IGSF9B: variants seen among roughly 807,000 people sequenced by gnomAD.
The protein encoded by IGSF9B is protein turtle homolog B.
A neutral mutation model predicts 143.7 loss-of-function variants in IGSF9B; 48 were observed. The ratio of observed to expected loss-of-function variants is 0.33; its 90% CI spans 0.26 to 0.42. IGSF9B has a LOEUF of 0.42. Ranked by LOEUF, IGSF9B falls within the 20% of genes least tolerant of loss-of-function variation. IGSF9B has a pLI of 1.00. For missense variants in IGSF9B, 1,706 were observed against 1,980.0 expected, an observed-to-expected ratio of 0.86 and a Z score of 2.63; for synonymous variants, 903 against 833.1, an observed-to-expected ratio of 1.08 and a Z score of -1.44.
At position 133,939,892 on chromosome 11, in the gene IGSF9B, A is replaced by T. The variant is rs139001237; in HGVS notation, c.410-1931T>A. On this transcript the variant is annotated intron_variant, in intron 3 of 19. Transcript: ENST00000533871. ...CGCACGTCCTCGCACGCGTCATCAC[A>T]TACAGAAACATACACCTTGCACATC... 7.4e-3 allele frequency among the ~76,000 whole-genome samples: 1,102 copies of T among 149,626 alleles called. 40 individuals are homozygous for T. Among genetic ancestry groups the T allele is most frequent in the Admixed American group, 0.057 (850 of 15,016 alleles).
rs569319090 is a variant in IGSF9B at position 133,908,142 on chromosome 11, G to A, written c.*927C>T. Among the ~76,000 whole-genome samples, 3 of 152,328 alleles carry A rather than the reference G, an allele frequency of 2.0e-5. No individual in the cohort carries two copies. Among genetic ancestry groups the A allele is most frequent in the Non-Finnish European group, 4.4e-5 (3 of 68,024 alleles). On this transcript the variant is annotated 3_prime_UTR_variant, in exon 20 of 20. Transcript: ENST00000533871. Reference sequence around the variant, plus strand: ...CGGCCTGGCTGGGCGGAAGGGCGCCGACGGATGCGCTGGACATGTGCACCA... The same window carrying A: ...CGGCCTGGCTGGGCGGAAGGGCGCCAACGGATGCGCTGGACATGTGCACCA...
chr11:133,931,336 GC>G lies in IGSF9B; in HGVS notation c.1368+116del. The G allele has an allele frequency of 1.2e-6, 1 of 854,004 alleles. No homozygotes were observed. Among genetic ancestry groups the G allele is most frequent in the South Asian group, 1.7e-5 (1 of 58,770 alleles). 52.9% of individuals were successfully genotyped at this position (854,004 alleles called of 1,614,324 possible). ...GGTCCAGAATAGAACTGCTCGCTGGGCCCTCACACCTCCCCTCAGCCCCGGG... is the reference window on the plus strand; with the variant it reads ...GGTCCAGAATAGAACTGCTCGCTGGGCCTCACACCTCCCCTCAGCCCCGGG... On this transcript the variant is annotated intron_variant, in intron 10 of 19. Transcript: ENST00000533871. This position sits in a 1 kb window ranked among gnomAD's most constrained non-coding sequence, Gnocchi z 7.7.
chr11:133,940,638 G>C (rs201654516), intron 3 of IGSF9B, among the ~76,000 whole-genome samples: 1 of 138,182 alleles, frequency 7.2e-6, no homozygotes, highest in African/African-American at 2.8e-5. Context: ...GTCCTCGCAC[G>C]CGTCATCACA....
At chr11:133,917,601 C>G (rs918083832) in intron 18 of IGSF9B, among the ~76,000 whole-genome samples, 1 of 152,110 alleles carries the variant, frequency 6.6e-6, no homozygotes, top group Non-Finnish European at 1.5e-5. Flanking sequence ...CAAGGTCAGG[C>G]TGCAGAAGGC....
Position 133,920,627 on chromosome 11 carries a change from C to G in IGSF9B, c.3098G>C (p.Gly1033Ala). ...STLPLTQTPT[G>A]GRSPEPWGRP... ...GCCCCAGGGCTCAGGGGAGCGCCCT[C>G]CTGTAGGTGTCTGAGTCAAGGGCAG... Residue 1033 changes from glycine to alanine, a missense_variant, in exon 18 of 20, where the codon GGA becomes GCA. Around this residue, in one of 7 missense-constraint regions of IGSF9B, gnomAD observed 880 missense variants for 762.9 expected, o/e 1.15. Coordinates refer to ENST00000533871, the MANE Select transcript of IGSF9B (RefSeq NM_001277285.4). 1 of 1,613,488 alleles carries G rather than the reference C, an allele frequency of 6.2e-7. No individual in the cohort carries two copies. Among genetic ancestry groups the G allele is most frequent in the Non-Finnish European group, 8.5e-7 (1 of 1,179,822 alleles).
At position 133,909,846 on chromosome 11, in the gene IGSF9B, T is replaced by C. The variant is rs1473412659; in HGVS notation, c.4106-569A>G. The stretch of plus-strand genomic sequence containing the variant: ...AGAGGAAGAGACAAACTGTCAAGAC[T>C]TTAAAAACACAGAAATAAAATTTGC... On this transcript the variant is annotated intron_variant, in intron 19 of 19. Transcript: ENST00000533871. The surrounding 1 kb of genome is among the most constrained non-coding windows in gnomAD (Gnocchi z 4.2). Among the ~76,000 whole-genome samples the C allele has an allele frequency of 6.6e-6, 1 of 152,178 alleles. No homozygotes were observed. The highest frequency in any genetic ancestry group is 1.5e-5 in the Non-Finnish European group (1 of 68,038).
chr11:133,922,796 C>T (rs1939566430), intron 15 of IGSF9B, 66 bp from the exon 16 acceptor site: 2 of 1,431,954 alleles, frequency 1.4e-6, no homozygotes, highest in Non-Finnish European at 1.9e-6. Flanking sequence ...CTCCGACCTT[C>T]AGTCCCCAAG....
intron 18 of IGSF9B, among the ~76,000 whole-genome samples, chr11:133,915,840 C>T (rs1939370593): frequency 6.6e-6 from 1 of 152,232 alleles, no homozygotes; most frequent in African/African-American, 2.4e-5. Flanking sequence ...CAAACACCAC[C>T]TGCCTGATTA....
chr11:133,917,947 G>T (rs1318930893), intron 18 of IGSF9B, among the ~76,000 whole-genome samples: 1 of 151,834 alleles, frequency 6.6e-6, no homozygotes, highest in Non-Finnish European at 1.5e-5. Context: ...GGGCCCCAGG[G>T]CTTCTGTGGG....
chr11:133,944,224 G>A lies in IGSF9B; in HGVS notation c.405C>T (p.Ile135=), dbSNP rs377157615. 1.4e-4 allele frequency: 230 copies of A among 1,602,698 alleles called. No homozygotes were observed. Among genetic ancestry groups the A allele is most frequent in the Non-Finnish European group, 1.9e-4 (221 of 1,173,490 alleles). ...ACCCTGGAAGCCGTCACTCACCGTT[G>A]ATGGTGAGGTGGACCCAGCTGCCAT... ...FHNGSWVHLT[I]NAPPTFTETP... The change falls in exon 3 of 20, where the codon ATC becomes ATT. Residue 135 remains isoleucine, a synonymous_variant. Transcript: ENST00000533871.
chr11:133,935,017 T>C (rs747897053), intron 7 of IGSF9B, among the ~76,000 whole-genome samples: 5 of 152,222 alleles, frequency 3.3e-5, no homozygotes, highest in Non-Finnish European at 7.3e-5. Flanking sequence ...GGCTCAGTAT[T>C]AAAGATCAGC....
chr11:133,937,324 G>T, intron 5 of IGSF9B, 52 bp downstream of exon 5: 1 of 1,374,848 alleles, frequency 7.3e-7, no homozygotes, highest in Non-Finnish European at 1.0e-6. Flanking sequence ...CAGCCGGGCT[G>T]GACATCCCCG....
Position 133,920,175 on chromosome 11 carries a change from C to A in IGSF9B, c.3550G>T (p.Ala1184Ser). Residue 1184 changes from alanine to serine, a missense_variant, in exon 18 of 20, where the codon GCC (alanine) becomes TCC (serine). By Grantham distance (99) the Ala-to-Ser change is moderately conservative (BLOSUM62 1). Around this residue, in one of 7 missense-constraint regions of IGSF9B, gnomAD observed 880 missense variants for 762.9 expected, o/e 1.15. Coordinates refer to ENST00000533871, the MANE Select transcript of IGSF9B (RefSeq NM_001277285.4). The stretch of plus-strand genomic sequence containing the variant: ...TGTAAACTGGGCTCGGCGCGCCTGG[C>A]CTGCCGAGGGCTAGGCCGGGGCCGG... ...QPRPRPSPRQ[A>S]RRAEPSLHQV... The A allele has an allele frequency of 1.3e-6, 2 of 1,510,840 alleles. No homozygotes were observed. The highest frequency in any genetic ancestry group is 1.8e-6 in the Non-Finnish European group (2 of 1,129,552). 93.6% of individuals were successfully genotyped at this position (1,510,840 alleles called of 1,614,324 possible). A position where few individuals can be genotyped will look rare whatever the true frequency, so the allele number is the denominator to read the frequency against.
Position 133,913,748 on chromosome 11 carries a change from C to T in IGSF9B, c.3984-1741G>A, listed in dbSNP as rs1939336388. The stretch of plus-strand genomic sequence containing the variant: ...GAAGCGGGAAGGCAGACAAAGGGTG[C>T]AGGTGCCCGGGCGGGAGGCAGCACA... On this transcript the variant is annotated intron_variant, in intron 18 of 19. Transcript: ENST00000533871. The surrounding 1 kb of genome is among the most constrained non-coding windows in gnomAD (Gnocchi z 4.6). Among the ~76,000 whole-genome samples, 1 of 152,230 alleles carries T rather than the reference C, an allele frequency of 6.6e-6. No individual in the cohort carries two copies. The highest frequency in any genetic ancestry group is 1.5e-5 in the Non-Finnish European group (1 of 68,030).
In IGSF9B at chr11:133,906,849, G is replaced by T. The variant is rs1939217671; in HGVS notation, c.*2220C>A. ...AATCTCACACTGCCAGTGCATAAAGGCTGCACGTCAGCTTGCGGTAAGCCC... is the reference window on the plus strand; with the variant it reads ...AATCTCACACTGCCAGTGCATAAAGTCTGCACGTCAGCTTGCGGTAAGCCC... On this transcript the variant is annotated 3_prime_UTR_variant, in exon 20 of 20. Coordinates refer to ENST00000533871, the MANE Select transcript of IGSF9B (RefSeq NM_001277285.4). 6.6e-6 allele frequency among the ~76,000 whole-genome samples: 1 copy of T among 152,126 alleles called. No homozygotes were observed. The highest frequency in any genetic ancestry group is 2.4e-5 in the African/African-American group (1 of 41,428).
chr11:133,931,843 C>T lies in IGSF9B; in HGVS notation c.1111-48G>A, dbSNP rs369781998. On this transcript the variant is annotated intron_variant, in intron 8 of 19. Coordinates refer to ENST00000533871, the MANE Select transcript of IGSF9B (RefSeq NM_001277285.4). The surrounding 1 kb of genome is among the most constrained non-coding windows in gnomAD (Gnocchi z 7.7). ...CAGGGAACGCTGGTCAGAGACTCCG[C>T]GCTCCATCCCAGGCTGGGTCCCAGC... 148 of 1,598,348 alleles carry T rather than the reference C, an allele frequency of 9.3e-5. 1 individual carries two copies. Among genetic ancestry groups the T allele is most frequent in the Non-Finnish European group, 7.6e-5 (89 of 1,174,816 alleles).
chr11:133,922,802 C>G, intron 15 of IGSF9B, 72 bp from the exon 16 acceptor site: 1 of 1,385,244 alleles, frequency 7.2e-7, no homozygotes, highest in Middle Eastern at 2.5e-4. Context: ...CCTTCAGTCC[C>G]CAAGTGTTTC....
intron 7 of IGSF9B, among the ~76,000 whole-genome samples, chr11:133,935,060 C>G (rs1284945320): frequency 3.3e-5 from 5 of 152,226 alleles, no homozygotes; most frequent in Non-Finnish European, 7.3e-5. Flanking sequence ...CAAAAGCCCT[C>G]GAACGTCTGG....
In IGSF9B at chr11:133,902,133, T is replaced by TAC. The variant is rs1388329767; in HGVS notation, c.*6934_*6935dup. ...ACACACACACCACACACAGTCCATG[T>TAC]ACCACACCAAACACACCAGACACAC... On this transcript the variant is annotated 3_prime_UTR_variant, in exon 20 of 20. Coordinates refer to ENST00000533871, the MANE Select transcript of IGSF9B (RefSeq NM_001277285.4). Among the ~76,000 whole-genome samples, 1 of 122,792 alleles carries TAC rather than the reference T, an allele frequency of 8.1e-6. No homozygotes were observed. The highest frequency in any genetic ancestry group is 1.7e-5 in the Non-Finnish European group (1 of 58,654). 80.6% of individuals were successfully genotyped at this position (122,792 alleles called of 152,430 possible). A position where few individuals can be genotyped will look rare whatever the true frequency, so the allele number is the denominator to read the frequency against.
Sources: gnomAD v4.1 joint callset for allele counts (sites outside exome capture counted in the v4.1 genomes callset) on GRCh38, gnomAD v4.1.1 for gene constraint, gnomAD v4.1.1 regional missense constraint, Gnocchi (gnomAD v3.1) non-coding constraint, MANE v1.5 for transcripts, NCBI Gene and HGNC (gene_info 2026-07-23, HGNC 2026-07-21) for gene names.